Variants in ATG2A observed in about 807,000 individuals in gnomAD.
ATG2A encodes autophagy-related protein 2 homolog A.
In ATG2A, 103 loss-of-function variants were observed where a neutral mutation model predicts 214.2. That is an observed-to-expected ratio of 0.48 (90% CI 0.41 to 0.57). The LOEUF (loss-of-function observed/expected upper bound fraction) is 0.57, where lower values mean the gene tolerates loss of function less well. ATG2A is among the 20% of genes least tolerant of loss of function. The probability of loss-of-function intolerance (pLI) is 0.00; values close to 1 mark genes in which losing one functional copy is unlikely to be tolerated. For synonymous variants in ATG2A, 1,160 were observed against 1,142.1 expected (o/e 1.02, Z -0.32); for missense variants, 2,312 against 2,613.2 (o/e 0.88, Z 2.51).
Position 64,897,340 on chromosome 11 carries a change from C to T in ATG2A, c.5150+72G>A, listed in dbSNP as rs371281282. 7.9e-5 allele frequency: 120 copies of T among 1,518,834 alleles called. No individual in the cohort carries two copies. The African/African-American group carries it at 1.3e-3, about 17-fold the overall frequency. 94.1% of individuals were successfully genotyped at this position (1,518,834 alleles called of 1,614,324 possible). ...AAGGGTGATGACTTGGCCAAGGCCA[C>T]ACAACCAGTCAGGACCAGAACAGAA... On this transcript the variant is annotated intron_variant, in intron 37 of 40. Transcript: ENST00000377264.
rs569193120 is a variant in ATG2A, at chr11:64,898,658, G to A, written c.4649C>T (p.Pro1550Leu). The A allele has an allele frequency of 1.4e-5, 23 of 1,613,994 alleles. No homozygotes were observed. The highest frequency in any genetic ancestry group is 2.7e-5 in the African/African-American group (2 of 75,040). ...TACCATGTTAGAGTGGGCACGTCGCGGCATCCGCTCACTCGTGTGTAGGTA... is the reference window on the plus strand; with the variant it reads ...TACCATGTTAGAGTGGGCACGTCGCAGCATCCGCTCACTCGTGTGTAGGTA... ...FLYLHTSERMPRRAHSNMLTI... is the reference protein window; with the variant it reads ...FLYLHTSERMLRRAHSNMLTI... Residue 1550 changes from proline to leucine, a missense_variant, in exon 32 of 41, where the codon CCG becomes CTG. Coordinates refer to ENST00000377264, the MANE Select transcript of ATG2A (RefSeq NM_015104.3). This position sits in a 1 kb window ranked among gnomAD's most constrained non-coding sequence, Gnocchi z 4.5.
At position 64,896,461 on chromosome 11, in the gene ATG2A, C is replaced by T. The variant is rs1484946132; in HGVS notation, c.5427+1G>A. On this transcript the variant is annotated splice_donor_variant, in intron 39 of 40. Transcript: ENST00000377264. LOFTEE classifies it high-confidence loss of function. ...AGCCCAGATACAGGGCACCCACTCA[C>T]CTGGATAGCCTGTACCAACCGGTTG... is the stretch of plus-strand genomic sequence containing the variant. The T allele has an allele frequency of 6.2e-7, 1 of 1,609,880 alleles. No homozygotes were observed. Among genetic ancestry groups the T allele is most frequent in the Non-Finnish European group, 8.5e-7 (1 of 1,178,072 alleles).
chr11:64,901,150 C>G (rs753458314), intron 29 of ATG2A, 58 bp from the exon 30 acceptor site: 20 of 1,499,154 alleles, frequency 1.3e-5, no homozygotes, highest in Non-Finnish European at 1.5e-5. Flanking sequence ...CAGCTGCCCC[C>G]AGCCCCAGCA....
chr11:64,906,185 C>T lies in ATG2A; in HGVS notation c.3192G>A (p.Leu1064=). 6.2e-7 allele frequency: 1 copy of T among 1,610,324 alleles called. No individual in the cohort carries two copies. The highest frequency in any genetic ancestry group is 1.1e-5 in the South Asian group (1 of 90,748). The change falls in exon 22 of 41, where the codon CTG becomes CTA. Residue 1064 remains leucine (L), a synonymous_variant. Transcript: ENST00000377264. ...LDPHKNVKEF[L]VTLRLHKATL... Reference sequence around the variant, plus strand: ...TGGCTTTGTGCAACCGCAGTGTCACCAGGAACTCCTGAGGGTGGGGGCGCA... The same window carrying T: ...TGGCTTTGTGCAACCGCAGTGTCACTAGGAACTCCTGAGGGTGGGGGCGCA...
At position 64,903,680 on chromosome 11, in the gene ATG2A, A is replaced by G. The variant is rs1944439933; in HGVS notation, c.3465-20T>C. 6.5e-7 allele frequency: 1 copy of G among 1,546,410 alleles called. No individual in the cohort carries two copies. Among genetic ancestry groups the G allele is most frequent in the African/African-American group, 1.4e-5 (1 of 73,044 alleles). On this transcript the variant is annotated intron_variant, in intron 24 of 40. Transcript: ENST00000377264. The surrounding 1 kb of genome is among the most constrained non-coding windows in gnomAD (Gnocchi z 4.2). Reference sequence around the variant, plus strand: ...ATGAACCTGGGGGGGAACAGGGCTGAGAAGGGCCCGGGCACCGCTGCAGGG... The same window carrying G: ...ATGAACCTGGGGGGGAACAGGGCTGGGAAGGGCCCGGGCACCGCTGCAGGG...
intron 22 of ATG2A, 131 bp downstream of exon 22, chr11:64,905,982 A>C: frequency 7.3e-7 from 1 of 1,372,306 alleles, no homozygotes; most frequent in Non-Finnish European, 1.0e-6. Flanking sequence ...CTTGCCCAGG[A>C]GCTCCGGACA....
chr11:64,900,025 ATTTTTTTTT>A (rs35952373), intron 31 of ATG2A, among the ~76,000 whole-genome samples: 4 of 120,112 alleles, frequency 3.3e-5, no homozygotes, highest in Admixed American at 2.5e-4. Flanking sequence ...CAAATGGTTA[ATTTTTTTTT>A]TTTTTTTTTT....
rs201703555 is a variant in ATG2A, at chr11:64,898,710, C to T, written c.4597G>A (p.Ala1533Thr). The T allele has an allele frequency of 5.7e-6, 9 of 1,571,640 alleles. No individual in the cohort carries two copies. The highest frequency in any genetic ancestry group is 4.7e-5 in the East Asian group (2 of 42,260). Reference sequence around the variant, plus strand: ...AGGAACTTGTTGATCTGGGAGGAGGCGAGCCGGTCTCGGACCTCCAGCTCC... The same window carrying T: ...AGGAACTTGTTGATCTGGGAGGAGGTGAGCCGGTCTCGGACCTCCAGCTCC... ...VQELEVRDRL[A>T]SSQINKFLYL... The change falls in exon 32 of 41, where the codon GCC (alanine) becomes ACC (threonine). Residue 1533 changes from alanine to threonine, a missense_variant. Coordinates refer to ENST00000377264, the MANE Select transcript of ATG2A (RefSeq NM_015104.3). The surrounding 1 kb of genome is among the most constrained non-coding windows in gnomAD (Gnocchi z 4.5).
rs199543605 is a variant in ATG2A, at chr11:64,909,279, G to C, written c.2196C>G (p.Phe732Leu). ...CCAGAGCCCCTACTTACTGGGGCAG[G>C]AAGTACTTGCGCCCAGTGCTCTTGG... Reference protein sequence around the residue: ...LDPKSTGRKYFLPQVVVTVNP... With the variant: ...LDPKSTGRKYLLPQVVVTVNP... The change falls in exon 15 of 41, where the codon TTC (phenylalanine) becomes TTG (leucine). Residue 732 changes from phenylalanine to leucine, a missense_variant. Physicochemically the swap from Phe to Leu is conservative, Grantham distance 22 (BLOSUM62 0). Transcript: ENST00000377264. The C allele has an allele frequency of 1.4e-5, 23 of 1,613,632 alleles. No homozygotes were observed. In the East Asian group the frequency reaches 4.7e-4, roughly 33 times the overall value.
intron 22 of ATG2A, 127 bp downstream of exon 22, chr11:64,905,986 C>T: frequency 7.2e-7 from 1 of 1,392,848 alleles, no homozygotes; most frequent in Non-Finnish European, 9.8e-7. Context: ...CCCAGGAGCT[C>T]CGGACAAGGT....
At position 64,909,131 on chromosome 11, in the gene ATG2A, G is replaced by T; in HGVS notation, c.2224C>A (p.Pro742Thr). 6.2e-7 allele frequency: 1 copy of T among 1,611,070 alleles called. No homozygotes were observed. The highest frequency in any genetic ancestry group is 8.5e-7 in the Non-Finnish European group (1 of 1,178,950). ...TCCCACTGTGTGCTGCTGGACTGGG[G>T]GTTCACAGTCACCACTACCCTGCCG... ...FLPQVVVTVNPQSSSTQWEVA... is the reference protein window; with the variant it reads ...FLPQVVVTVNTQSSSTQWEVA... Residue 742 changes from proline (P) to threonine (T), a missense_variant, in exon 16 of 41, where the codon CCC (proline) becomes ACC (threonine). Coordinates refer to ENST00000377264, the MANE Select transcript of ATG2A (RefSeq NM_015104.3).
rs749055113 is a variant in ATG2A at position 64,898,686 on chromosome 11, G to T, written c.4621C>A (p.Leu1541Met). The change falls in exon 32 of 41, where the codon CTG becomes ATG. Residue 1541 changes from leucine to methionine, a missense_variant. Transcript: ENST00000377264. This position sits in a 1 kb window ranked among gnomAD's most constrained non-coding sequence, Gnocchi z 4.5. ...RLASSQINKFLYLHTSERMPR... is the reference protein window; with the variant it reads ...RLASSQINKFMYLHTSERMPR... ...ATCCGCTCACTCGTGTGTAGGTACA[G>T]GAACTTGTTGATCTGGGAGGAGGCG... 1 of 1,614,102 alleles carries T rather than the reference G, an allele frequency of 6.2e-7. No individual in the cohort carries two copies. The highest frequency in any genetic ancestry group is 8.5e-7 in the Non-Finnish European group (1 of 1,180,040).
intron 29 of ATG2A, among the ~76,000 whole-genome samples, 195 bp from the exon 30 acceptor site, chr11:64,901,287 G>A (rs532569137): frequency 3.3e-5 from 5 of 152,150 alleles, no homozygotes; most frequent in Admixed American, 1.3e-4. Flanking sequence ...AGGCTCAAGC[G>A]ATCCTCCATT....
At chr11:64,899,721 G>T (rs1944283499) in intron 31 of ATG2A, among the ~76,000 whole-genome samples, 1 of 152,052 alleles carries the variant, frequency 6.6e-6, no homozygotes, top group Non-Finnish European at 1.5e-5. Context: ...GATTGCTGCA[G>T]AGCCCCACCC....
rs749720517 is a variant in ATG2A at position 64,909,747 on chromosome 11, C to G, written c.2041G>C (p.Glu681Gln). The G allele has an allele frequency of 3.7e-6, 6 of 1,613,072 alleles. No homozygotes were observed. The highest frequency in any genetic ancestry group is 5.1e-6 in the Non-Finnish European group (6 of 1,180,016). The change falls in exon 14 of 41, where the codon GAG becomes CAG. Residue 681 changes from glutamate to glutamine, a missense_variant. Coordinates refer to ENST00000377264, the MANE Select transcript of ATG2A (RefSeq NM_015104.3). ...GGGGGACCAGGCCCACTGCTAAGCTCTGACCGGAACTGGGGCTCACTCAGC... is the reference window on the plus strand; with the variant it reads ...GGGGGACCAGGCCCACTGCTAAGCTGTGACCGGAACTGGGGCTCACTCAGC... Reference protein sequence around the residue: ...LELSEPQFRSELSSGPGPPVP... With the variant: ...LELSEPQFRSQLSSGPGPPVP...
In ATG2A at chr11:64,910,904, C is replaced by T. The variant is rs368319765; in HGVS notation, c.1517G>A (p.Arg506Gln). The T allele has an allele frequency of 2.6e-5, 42 of 1,612,192 alleles. No individual in the cohort carries two copies. The African/African-American group carries it at 2.9e-4, about 11-fold the overall frequency. Residue 506 changes from arginine (R) to glutamine (Q), a missense_variant, in exon 11 of 41, where the codon CGG becomes CAG. Coordinates refer to ENST00000377264, the MANE Select transcript of ATG2A (RefSeq NM_015104.3). ...QLSWELRTGS[R>Q]GRRTTSMEVH... The stretch of plus-strand genomic sequence containing the variant: ...TTCCATGCTGGTTGTCCGCCGGCCC[C>T]GACTGCCCGTCCGCAGCTCCCAGGA...
At chr11:64,910,347 G>A in intron 12 of ATG2A, 152 bp from the exon 13 acceptor site, 2 of 1,264,854 alleles carry the variant, frequency 1.6e-6, no homozygotes, top group Non-Finnish European at 2.1e-6. Context: ...CGCACAATGT[G>A]CTTGTTTACT....
Position 64,910,820 on chromosome 11 carries a change from G to A in ATG2A, c.1601C>T (p.Pro534Leu). Residue 534 changes from proline to leucine, a missense_variant, in exon 11 of 41, where the codon CCT becomes CTT. Pro to Leu is a moderately conservative substitution (Grantham distance 98, BLOSUM62 -3). Transcript: ENST00000377264. ...ECLWPRGTSE[P>L]EYTEILTFPG... ...CTCTGCCCTCACCTCCGTGTACTCAGGCTCAGAGGTGCCCCGGGGCCACAG... is the reference window on the plus strand; with the variant it reads ...CTCTGCCCTCACCTCCGTGTACTCAAGCTCAGAGGTGCCCCGGGGCCACAG... 1 of 1,610,238 alleles carries A rather than the reference G, an allele frequency of 6.2e-7. No individual in the cohort carries two copies. The highest frequency in any genetic ancestry group is 1.7e-4 in the Middle Eastern group (1 of 6,054).
chr11:64,902,909 T>C (rs1401987278), intron 26 of ATG2A, among the ~76,000 whole-genome samples: 3 of 151,824 alleles, frequency 2.0e-5, no homozygotes, highest in Non-Finnish European at 4.4e-5. Context: ...GAAGCAGGAG[T>C]GTGCCCACCC....
Sources: allele counts gnomAD v4.1 joint callset (sites outside exome capture counted in the v4.1 genomes callset), GRCh38; gene constraint gnomAD v4.1.1; non-coding constraint Gnocchi (gnomAD v3.1); transcripts MANE v1.5; gene names NCBI Gene and HGNC (gene_info 2026-07-23, HGNC 2026-07-21).